RADX: variants seen among roughly 807,000 people sequenced by gnomAD.
RADX encodes the protein RPA1 related single stranded DNA binding protein, X-linked.
RADX carries 36 observed loss-of-function variants against 61.6 expected under a neutral mutation model. That is an observed-to-expected ratio of 0.58 (90% CI 0.45 to 0.77). The LOEUF (loss-of-function observed/expected upper bound fraction) is 0.77, where lower values mean the gene tolerates loss of function less well. Among genes scored for constraint, RADX ranks in the 30% least tolerant of loss-of-function variants. RADX has a pLI of 0.00. For synonymous variants in RADX, 272 were observed against 237.9 expected (o/e 1.14, Z -1.32); for missense variants, 497 against 651.1 (o/e 0.76, Z 2.58).
chrX:106,655,299 CT>C (rs752071995), intron 11 of RADX, among the ~76,000 whole-genome samples: 10,822 of 93,083 alleles, frequency 0.12, 1,548 homozygotes, highest in African/African-American at 0.39. Context: ...GTTTCTTTTT[CT>C]TTTTTTTTTT....
chrX:106,629,672 C>T (rs1221699348), intron 3 of RADX, among the ~76,000 whole-genome samples: 1 of 111,480 alleles, frequency 9.0e-6, no homozygotes, highest in East Asian at 2.8e-4. Flanking sequence ...TATTCTCAAA[C>T]TCATATTTTG....
chrX:106,630,345 C>CAAAA (rs1172087905), intron 3 of RADX, among the ~76,000 whole-genome samples: 1 of 80,396 alleles, frequency 1.2e-5, no homozygotes, highest in Non-Finnish European at 2.6e-5. Flanking sequence ...AACAAACAAA[C>CAAAA]AAAAAAAAAA....
At chrX:106,646,104 T>C (rs1180384102) in intron 10 of RADX, among the ~76,000 whole-genome samples, 2 of 111,194 alleles carry the variant, frequency 1.8e-5, no homozygotes, top group African/African-American at 6.5e-5. Flanking sequence ...ATCGATTTTG[T>C]CTGATATAAA....
intron 13 of RADX, among the ~76,000 whole-genome samples, chrX:106,676,208 A>G (rs1263891214): frequency 8.9e-6 from 1 of 112,376 alleles, no homozygotes; most frequent in Non-Finnish European, 1.9e-5. Flanking sequence ...AAAATTATAT[A>G]GTACTACCAG....
At chrX:106,646,281 G>A (rs1234908001) in intron 10 of RADX, among the ~76,000 whole-genome samples, 1 of 110,327 alleles carries the variant, frequency 9.1e-6, no homozygotes, top group Non-Finnish European at 1.9e-5. Context: ...GTTGTGATGG[G>A]GTAAACCTAT....
At chrX:106,641,836 A>G (rs779917494) in intron 10 of RADX, among the ~76,000 whole-genome samples, 1 of 111,368 alleles carries the variant, frequency 9.0e-6, no homozygotes, top group South Asian at 3.8e-4. Flanking sequence ...CTGAACAACA[A>G]GAACATTATA....
At position 106,669,232 on chromosome X, in the gene RADX, C is replaced by T; in HGVS notation, c.2339C>T (p.Ser780Phe). ...PMYCPEDIRTSQIDTLLTSMN... is the reference protein window; with the variant it reads ...PMYCPEDIRTFQIDTLLTSMN... The stretch of plus-strand genomic sequence containing the variant: ...TATTGTCCAGAAGATATTCGAACAT[C>T]TCAAATAGACACACTGTTGACCTCC... The change falls in exon 13 of 14, where the codon TCT becomes TTT. Residue 780 changes from serine to phenylalanine, a missense_variant. Ser to Phe is a radical substitution (Grantham distance 155). Transcript: ENST00000372548. The T allele has an allele frequency of 1.7e-6, 2 of 1,191,634 alleles. No individual in the cohort carries two copies. Among genetic ancestry groups the T allele is most frequent in the Non-Finnish European group, 2.3e-6 (2 of 877,338 alleles).
chrX:106,652,695 GCACA>G (rs112557092), intron 11 of RADX, among the ~76,000 whole-genome samples: 5,589 of 96,912 alleles, frequency 0.058, 227 homozygotes, highest in African/African-American at 0.14. Context: ...ATCATTAAAT[GCACA>G]CACACACACA....
At chrX:106,661,982 T>A (rs772492058) in intron 11 of RADX, 33 bp from the exon 12 acceptor site, 15 of 1,166,716 alleles carry the variant, frequency 1.3e-5, no homozygotes, top group African/African-American at 1.8e-5. Context: ...AGTTTATAGA[T>A]CAATTGTGTC....
At position 106,637,792 on chromosome X, in the gene RADX, A is replaced by G; in HGVS notation, c.1441A>G (p.Lys481Glu). ...HRGQPYTYDA[K>E]VKNFIQWIRT... ...AGGCCAGCCGTATACGTATGATGCC[A>G]AGGTAAAAAACTTTATTCAATGGAT... The change falls in exon 8 of 14, where the codon AAG (lysine) becomes GAG (glutamate). Residue 481 changes from lysine to glutamate, a missense_variant. Physicochemically the swap from Lys to Glu is moderately conservative, Grantham distance 56 (BLOSUM62 1). Transcript: ENST00000372548. 8.3e-7 allele frequency: 1 copy of G among 1,209,044 alleles called. No homozygotes were observed. Among genetic ancestry groups the G allele is most frequent in the Non-Finnish European group, 1.1e-6 (1 of 894,007 alleles).
rs757265704 is a variant in RADX at position 106,640,742 on chromosome X, AT to A, written c.1904+22del. On this transcript the variant is annotated intron_variant, in intron 10 of 13. Coordinates refer to ENST00000372548, the MANE Select transcript of RADX (RefSeq NM_018015.6). Reference sequence around the variant, plus strand: ...AATCCGTAAGTCATTTGTATTAAGTATATGTAAAGTATATTTTTTCTTTTGG... The same window carrying A: ...AATCCGTAAGTCATTTGTATTAAGTAATGTAAAGTATATTTTTTCTTTTGG... The A allele has an allele frequency of 8.3e-5, 88 of 1,058,823 alleles. 1 individual carries two copies. The South Asian group carries it at 2.2e-3, about 26-fold the overall frequency. The allele number at this position is 1,058,823 out of a possible 1,213,427, so 87.3% of individuals were successfully genotyped here.
At chrX:106,618,913 T>C (rs370643710) in intron 1 of RADX, among the ~76,000 whole-genome samples, 6 of 112,225 alleles carry the variant, frequency 5.3e-5, no homozygotes, top group African/African-American at 1.9e-4. Context: ...GACTGCCTTT[T>C]GATCCAAACC....
intron 12 of RADX, among the ~76,000 whole-genome samples, chrX:106,662,883 A>G (rs890753434): frequency 9.1e-6 from 1 of 110,400 alleles, no homozygotes; most frequent in Non-Finnish European, 1.9e-5. Context: ...TAGCTATGGA[A>G]CTTACAGAAA....
chrX:106,660,812 C>T (rs964854066), intron 11 of RADX, among the ~76,000 whole-genome samples: 1 of 111,766 alleles, frequency 8.9e-6, no homozygotes, highest in African/African-American at 3.3e-5. Context: ...ATAATGTATA[C>T]GTGTATTAGT....
Position 106,669,275 on chromosome X carries a change from A to G in RADX, c.2382A>G (p.Ala794=), listed in dbSNP as rs1450857951. ...TGACCTCCATGAATTACAGCTGTGC[A>G]TATCCACAGGACACAACTGGAAATG... ...TLLTSMNYSC[A]YPQDTTGNDR... is the part of the protein sequence containing the mutation. The change falls in exon 13 of 14, where the codon GCA becomes GCG. Residue 794 remains alanine (A), a synonymous_variant. Transcript: ENST00000372548. 2.5e-6 allele frequency: 3 copies of G among 1,203,370 alleles called. No homozygotes were observed. The highest frequency in any genetic ancestry group is 3.4e-6 in the Non-Finnish European group (3 of 889,739).
chrX:106,640,817 T>C (rs1927494365), intron 10 of RADX, 96 bp downstream of exon 10: 6 of 585,708 alleles, frequency 1.0e-5, no homozygotes, highest in African/African-American at 9.5e-5. Flanking sequence ...GCTGTATTAA[T>C]TTGTTAGGGC....
intron 9 of RADX, 115 bp from the exon 10 acceptor site, chrX:106,640,437 G>A (rs190307963): frequency 4.4e-5 from 20 of 456,992 alleles, no homozygotes; most frequent in African/African-American, 4.0e-4. Context: ...TGTTATGATT[G>A]AAGTTTTGCC....
intron 12 of RADX, among the ~76,000 whole-genome samples, chrX:106,665,227 G>A (rs188290942): frequency 1.8e-5 from 2 of 111,764 alleles, no homozygotes; most frequent in East Asian, 2.8e-4. Context: ...ATGACTTTAA[G>A]TGTATCTTAT....
chrX:106,647,762 C>T (rs1218288752), intron 10 of RADX, among the ~76,000 whole-genome samples: 1 of 111,263 alleles, frequency 9.0e-6, no homozygotes, highest in Non-Finnish European at 1.9e-5. Flanking sequence ...AGCACCTTTT[C>T]ATATACCTGT....
Sources: allele counts gnomAD v4.1 joint callset (sites outside exome capture counted in the v4.1 genomes callset), GRCh38; gene constraint gnomAD v4.1.1; transcripts MANE v1.5; gene names NCBI Gene and HGNC (gene_info 2026-07-23, HGNC 2026-07-21).